EXOC4: variants seen among roughly 807,000 people sequenced by gnomAD.
EXOC4 encodes the protein exocyst complex component 4.
In EXOC4, 71 loss-of-function variants were observed where a neutral mutation model predicts 107.2. The ratio of observed to expected loss-of-function variants is 0.66; its 90% CI spans 0.55 to 0.81. The LOEUF (loss-of-function observed/expected upper bound fraction) is 0.81, where lower values mean the gene tolerates loss of function less well. Among genes scored for constraint, EXOC4 ranks in the 30% least tolerant of loss-of-function variants. The pLI is 0.00. For synonymous variants in EXOC4, 456 were observed against 441.2 expected (o/e 1.03, Z -0.42); for missense variants, 1,108 against 1,189.6 (o/e 0.93, Z 1.01).
chr7:133,506,551 A>T (rs1458553802), intron 9 of EXOC4, among the ~76,000 whole-genome samples: 1 of 152,122 alleles, frequency 6.6e-6, no homozygotes, highest in African/African-American at 2.4e-5. Flanking sequence ...TGCAGTACAG[A>T]CTTTTATGAA....
intron 11 of EXOC4, among the ~76,000 whole-genome samples, chr7:133,857,635 G>A (rs978193935): frequency 6.6e-6 from 1 of 151,710 alleles, no homozygotes; most frequent in Non-Finnish European, 1.5e-5. Flanking sequence ...AGTGCACACA[G>A]CCAGACACCC....
At chr7:133,470,362 T>G (rs1798845095) in intron 7 of EXOC4, among the ~76,000 whole-genome samples, 1 of 152,228 alleles carries the variant, frequency 6.6e-6, no homozygotes, top group Non-Finnish European at 1.5e-5. Context: ...CTCAAAATTT[T>G]TGTCCTGCTT....
intron 14 of EXOC4, among the ~76,000 whole-genome samples, chr7:133,944,415 T>G (rs987645276): frequency 6.6e-6 from 1 of 152,178 alleles, no homozygotes; most frequent in African/African-American, 2.4e-5. Context: ...TTTTCCTGAT[T>G]AGACTGGGCT....
chr7:133,964,549 A>T (rs1483424166), intron 14 of EXOC4, among the ~76,000 whole-genome samples: 1 of 151,416 alleles, frequency 6.6e-6, no homozygotes, highest in Admixed American at 6.6e-5. Flanking sequence ...TCATTGTTCA[A>T]CTCCCGCTTA....
chr7:134,032,146 T>C (rs1385200607), intron 17 of EXOC4, among the ~76,000 whole-genome samples: 2 of 152,180 alleles, frequency 1.3e-5, no homozygotes, highest in African/African-American at 2.4e-5. Context: ...AAGAGGCCTC[T>C]TGTCATAGGC....
chr7:134,078,125 A>G, the EXOC4 span, among the ~76,000 whole-genome samples: 1 of 152,094 alleles, frequency 6.6e-6, no homozygotes, highest in Non-Finnish European at 1.5e-5. Flanking sequence ...TGCATCAACC[A>G]TCACAGTGAG....
chr7:133,403,129 C>T (rs556821346), intron 7 of EXOC4, among the ~76,000 whole-genome samples: 8 of 148,292 alleles, frequency 5.4e-5, no homozygotes, highest in East Asian at 2.1e-4. Flanking sequence ...GTGATCCACC[C>T]GCCTCGGCCT....
intron 11 of EXOC4, among the ~76,000 whole-genome samples, chr7:133,827,536 G>A (rs1156865797): frequency 6.6e-6 from 1 of 152,122 alleles, no homozygotes; most frequent in Non-Finnish European, 1.5e-5. Flanking sequence ...AGGGACTAGA[G>A]ATAAACATTA....
intron 7 of EXOC4, among the ~76,000 whole-genome samples, chr7:133,410,991 T>G (rs1797342853): frequency 6.6e-6 from 1 of 152,156 alleles, no homozygotes; most frequent in African/African-American, 2.4e-5. Flanking sequence ...ATTTAAATTG[T>G]GTTAAGTCAA....
chr7:133,976,786 AT>A (rs145680407), intron 14 of EXOC4, among the ~76,000 whole-genome samples: 2,502 of 152,252 alleles, frequency 0.016, 72 homozygotes, highest in African/African-American at 0.055. Flanking sequence ...ATGAATATGT[AT>A]TTTTTTAACT....
intron 10 of EXOC4, among the ~76,000 whole-genome samples, chr7:133,722,103 G>A (rs753393913): frequency 6.6e-6 from 1 of 152,194 alleles, no homozygotes; most frequent in Non-Finnish European, 1.5e-5. Context: ...ATTCTGGCAC[G>A]CAAACAGGAG....
chr7:133,593,670 G>A (rs1470941188), intron 9 of EXOC4, among the ~76,000 whole-genome samples: 1 of 152,138 alleles, frequency 6.6e-6, no homozygotes, highest in African/African-American at 2.4e-5. Context: ...CACATCAAAA[G>A]GCTTTCAAAG....
intron 14 of EXOC4, among the ~76,000 whole-genome samples, chr7:133,955,639 CCTGTCTGCCCTGGAG>C (rs1800800535): frequency 6.6e-6 from 1 of 152,206 alleles, no homozygotes; most frequent in Non-Finnish European, 1.5e-5. Flanking sequence ...GGGACCTGGC[CCTGTCTGCCCTGGAG>C]CTTGTCTGCC....
chr7:133,271,927 C>G (rs972133600), intron 1 of EXOC4, among the ~76,000 whole-genome samples: 5 of 151,846 alleles, frequency 3.3e-5, no homozygotes, highest in African/African-American at 1.2e-4. Context: ...AAACCTAATG[C>G]CCAGAGTTAA....
At chr7:133,746,669 C>G (rs1363007349) in intron 10 of EXOC4, among the ~76,000 whole-genome samples, 1 of 152,174 alleles carries the variant, frequency 6.6e-6, no homozygotes, top group East Asian at 1.9e-4. Flanking sequence ...ATTCAGTGCT[C>G]ATTTTTAAAG....
At chr7:133,274,315 A>G (rs1251381268) in intron 1 of EXOC4, among the ~76,000 whole-genome samples, 2 of 152,232 alleles carry the variant, frequency 1.3e-5, no homozygotes, top group African/African-American at 4.8e-5. Context: ...TCCTCAGTGT[A>G]TAAGTAATTG....
chr7:133,272,414 T>C (rs1793893826), intron 1 of EXOC4, among the ~76,000 whole-genome samples: 1 of 152,170 alleles, frequency 6.6e-6, no homozygotes, highest in African/African-American at 2.4e-5. Flanking sequence ...CTGTTTCATC[T>C]GTAAAAAGAG....
chr7:133,546,712 C>T (rs1029233777), intron 9 of EXOC4, among the ~76,000 whole-genome samples: 4 of 152,148 alleles, frequency 2.6e-5, no homozygotes, highest in African/African-American at 9.6e-5. Flanking sequence ...AACCTGATTC[C>T]TGTCCATATA....
At chr7:133,806,543 C>T (rs940471583) in intron 10 of EXOC4, among the ~76,000 whole-genome samples, 1 of 152,194 alleles carries the variant, frequency 6.6e-6, no homozygotes, top group African/African-American at 2.4e-5. Flanking sequence ...TTATGGTCCT[C>T]TCCATCCACA....
Sources: allele counts gnomAD v4.1 joint callset (sites outside exome capture counted in the v4.1 genomes callset), GRCh38; gene constraint gnomAD v4.1.1; transcripts MANE v1.5; gene names NCBI Gene and HGNC (gene_info 2026-07-23, HGNC 2026-07-21).